AFF2: variants seen among roughly 807,000 people sequenced by gnomAD.
AFF2 encodes the protein AF4/FMR2 family member 2.
In AFF2, 14 loss-of-function variants were observed where a neutral mutation model predicts 76.9. The ratio of observed to expected loss-of-function variants is 0.18; its 90% CI spans 0.12 to 0.28. The LOEUF is 0.28. AFF2 is among the 10% of genes least tolerant of loss of function. The probability of loss-of-function intolerance (pLI) is 1.00; values close to 1 mark genes in which losing one functional copy is unlikely to be tolerated. For missense variants in AFF2, 868 were observed against 1,001.1 expected (o/e 0.87, Z 1.79); for synonymous variants, 398 against 366.7 (o/e 1.09, Z -0.98).
intron 3 of AFF2, among the ~76,000 whole-genome samples, chrX:148,773,690 G>GAA (rs1302469528): frequency 1.8e-5 from 1 of 56,980 alleles, no homozygotes; most frequent in Non-Finnish European, 3.3e-5. Flanking sequence ...AGGAAGGAAA[G>GAA]AAAGAAAGAA....
chrX:148,715,884 C>T (rs913576081), intron 3 of AFF2, among the ~76,000 whole-genome samples: 9 of 111,681 alleles, frequency 8.1e-5, no homozygotes, highest in African/African-American at 2.9e-4. Context: ...CATGATTAAA[C>T]ACAAACACTA....
intron 9 of AFF2, among the ~76,000 whole-genome samples, chrX:148,939,156 T>C (rs1208599494): frequency 4.5e-5 from 5 of 111,570 alleles, no homozygotes; most frequent in African/African-American, 1.6e-4. Flanking sequence ...TGTGCTTTTA[T>C]TTTTCCCTTG....
chrX:148,968,308 G>T (rs1448039076), intron 15 of AFF2, among the ~76,000 whole-genome samples: 2 of 111,244 alleles, frequency 1.8e-5, no homozygotes, highest in Non-Finnish European at 3.8e-5. Flanking sequence ...GTTTGATTTG[G>T]CTGAGGCTCC....
At chrX:148,862,358 C>T (rs781853282) in intron 7 of AFF2, among the ~76,000 whole-genome samples, 8 of 110,871 alleles carry the variant, frequency 7.2e-5, no homozygotes, top group Admixed American at 3.8e-4. Context: ...CTTCCCCTGC[C>T]CTCTGTGGGA....
chrX:148,694,560 TAAAAG>T (rs2054692128), intron 3 of AFF2, among the ~76,000 whole-genome samples: 1 of 111,528 alleles, frequency 9.0e-6, no homozygotes, highest in African/African-American at 3.3e-5. Flanking sequence ...TTTTCAGTCT[TAAAAG>T]AAAACATTGG....
At chrX:148,762,649 C>T (rs1471599334) in intron 3 of AFF2, among the ~76,000 whole-genome samples, 8 of 109,990 alleles carry the variant, frequency 7.3e-5, no homozygotes, top group Admixed American at 2.0e-4. Flanking sequence ...AAAGCAAGTT[C>T]CCTCAGATCG....
intron 3 of AFF2, among the ~76,000 whole-genome samples, chrX:148,773,935 A>G (rs1297528243): frequency 3.6e-5 from 4 of 111,081 alleles, no homozygotes; most frequent in Non-Finnish European, 7.6e-5. Context: ...GAGAAGTGTG[A>G]CCACCATGCT....
At chrX:148,924,527 A>C (rs1225925593) in intron 9 of AFF2, among the ~76,000 whole-genome samples, 1 of 112,245 alleles carries the variant, frequency 8.9e-6, no homozygotes, top group Non-Finnish European at 1.9e-5. Context: ...ATCTCTTCCA[A>C]GGAAAACATT....
intron 19 of AFF2, among the ~76,000 whole-genome samples, chrX:148,983,284 A>G (rs995168536): frequency 8.9e-6 from 1 of 112,346 alleles, no homozygotes; most frequent in Non-Finnish European, 1.9e-5. Flanking sequence ...TGGAATGGAA[A>G]GAGAATGAAG....
intron 3 of AFF2, among the ~76,000 whole-genome samples, chrX:148,749,182 G>A (rs782067500): frequency 9.0e-5 from 10 of 110,939 alleles, no homozygotes; most frequent in African/African-American, 2.9e-4. Context: ...GGCTTTCCAT[G>A]TTTGAATACA....
chrX:148,692,486 A>G, intron 3 of AFF2, among the ~76,000 whole-genome samples: 2 of 112,137 alleles, frequency 1.8e-5, no homozygotes, highest in Non-Finnish European at 1.9e-5. Context: ...TCTGTGTGCC[A>G]TCTTAATACT....
chrX:148,859,701 T>TAATTAAAAATTAAAATATTTAATTAAA (rs2070825547), intron 7 of AFF2, among the ~76,000 whole-genome samples: 1 of 111,683 alleles, frequency 9.0e-6, no homozygotes, highest in Non-Finnish European at 1.9e-5. Flanking sequence ...TTAAAATGTA[T>TAATTAAAAATTAAAATATTTAATTAAA]AATTAAAAAT....
At chrX:148,934,152 G>A (rs1158471789) in intron 9 of AFF2, among the ~76,000 whole-genome samples, 1 of 112,647 alleles carries the variant, frequency 8.9e-6, no homozygotes, top group Non-Finnish European at 1.9e-5. Flanking sequence ...CTGGTTTGTG[G>A]TTGATCACCA....
chrX:148,997,216 G>A lies in AFF2; in HGVS notation c.*5884G>A. 1 of 111,458 alleles carries A rather than the reference G, an allele frequency of 9.0e-6. No homozygotes were observed. The highest frequency in any genetic ancestry group is 2.8e-4 in the East Asian group (1 of 3,553). 9.2% of individuals were successfully genotyped at this position (111,458 alleles called of 1,213,427 possible). ...ACCAAAATAATTCTTTTTCCACCCA[G>A]TACGAAGAAAACTAAGCTCAGTAAC... is the stretch of plus-strand genomic sequence containing the variant. On this transcript the variant is annotated 3_prime_UTR_variant, in exon 21 of 21. Coordinates refer to ENST00000370460, the MANE Select transcript of AFF2 (RefSeq NM_002025.4).
chrX:148,597,735 CCT>C (rs2053588478), intron 1 of AFF2, among the ~76,000 whole-genome samples: 1 of 111,062 alleles, frequency 9.0e-6, no homozygotes, highest in Non-Finnish European at 1.9e-5. Context: ...TAATCACCCC[CCT>C]GAGGAGTCAC....
intron 1 of AFF2, among the ~76,000 whole-genome samples, chrX:148,581,018 A>AACATTTGTATATATACACACATATATAC (rs1402426571): frequency 2.2e-5 from 1 of 46,270 alleles, no homozygotes; most frequent in African/African-American, 7.8e-5. Context: ...CCTACACACA[A>AACATTTGTATATATACACACATATATAC]ACATATGTGT....
intron 3 of AFF2, among the ~76,000 whole-genome samples, chrX:148,753,531 T>A (rs1365215475): frequency 1.8e-5 from 2 of 112,197 alleles, no homozygotes; most frequent in African/African-American, 3.2e-5. Context: ...CATTTTCATT[T>A]ATCTCATTAA....
At chrX:148,800,775 G>A (rs1313894419) in intron 3 of AFF2, among the ~76,000 whole-genome samples, 2 of 111,779 alleles carry the variant, frequency 1.8e-5, no homozygotes, top group African/African-American at 6.5e-5. Context: ...GAACTTGTCA[G>A]TCCAAGACAC....
intron 7 of AFF2, among the ~76,000 whole-genome samples, chrX:148,881,096 G>C (rs1172320840): frequency 1.8e-5 from 2 of 111,727 alleles, no homozygotes; most frequent in African/African-American, 6.5e-5. Flanking sequence ...TAGCACCATA[G>C]ATACCTTGAA....
Sources: allele counts gnomAD v4.1 joint callset (sites outside exome capture counted in the v4.1 genomes callset), GRCh38; gene constraint gnomAD v4.1.1; transcripts MANE v1.5; gene names NCBI Gene and HGNC (gene_info 2026-07-23, HGNC 2026-07-21).